The following PDXK variants were observed in gnomAD, a reference collection of about 807,000 sequenced individuals.
PDXK encodes pyridoxal kinase.
In PDXK, 15 loss-of-function variants were observed where a neutral mutation model predicts 43.2. The observed-to-expected ratio is 0.35, with a 90% CI of 0.23 to 0.53. The LOEUF (loss-of-function observed/expected upper bound fraction) is 0.53, where lower values mean the gene tolerates loss of function less well. Among genes scored for constraint, PDXK ranks in the 20% least tolerant of loss-of-function variants. The pLI is 0.92. For missense variants in PDXK, 343 were observed against 417.0 expected (o/e 0.82, Z 1.54); for synonymous variants, 172 against 165.4 (o/e 1.04, Z -0.31).
chr21:43,753,466 T>C (rs942426615), intron 8 of PDXK, 117 bp from the exon 9 acceptor site: 5 of 1,039,742 alleles, frequency 4.8e-6, no homozygotes, highest in Non-Finnish European at 6.9e-6. Flanking sequence ...CAAGGCCACC[T>C]TGTGCTCTGC....
At chr21:43,752,742 G>T (rs907222339) in intron 8 of PDXK, 113 bp downstream of exon 8, 10 of 662,142 alleles carry the variant, frequency 1.5e-5, no homozygotes, top group Admixed American at 4.6e-5. Context: ...GCCTTATCCA[G>T]CACCGGGATG....
intron 2 of PDXK, chr21:43,741,103 G>A (rs1030232487): frequency 2.4e-5 from 3 of 126,864 alleles, no homozygotes; most frequent in Admixed American, 1.6e-4. Context: ...CTGGCAGTGG[G>A]AGTGTGGGGG....
At chr21:43,720,735 T>C (rs9983734) in intron 1 of PDXK, among the ~76,000 whole-genome samples, 83,749 of 151,828 alleles carry the variant, frequency 0.55, 23,843 homozygotes, top group South Asian at 0.73. Flanking sequence ...AGAGGTAGGA[T>C]TGGGCTTGGG....
At position 43,736,606 on chromosome 21, in the gene PDXK, A is replaced by C. The variant is rs184681689; in HGVS notation, c.142+2483A>C. 1.9e-3 allele frequency among the ~76,000 whole-genome samples: 287 copies of C among 148,556 alleles called. 2 individuals carry two copies. The highest frequency in any genetic ancestry group is 6.9e-3 in the African/African-American group (280 of 40,408). On this transcript the variant is annotated intron_variant, in intron 2 of 10. Coordinates refer to ENST00000291565, the MANE Select transcript of PDXK (RefSeq NM_003681.5). Reference sequence around the variant, plus strand: ...AGGGAGCTCATTCGCGACTCTGCCCAGGGTTTTCCTTTTCCTTTTTCTGTT... The same window carrying C: ...AGGGAGCTCATTCGCGACTCTGCCCCGGGTTTTCCTTTTCCTTTTTCTGTT...
intron 1 of PDXK, among the ~76,000 whole-genome samples, chr21:43,721,051 G>C (rs763484919): frequency 6.6e-6 from 1 of 152,172 alleles, no homozygotes; most frequent in Admixed American, 6.5e-5. Flanking sequence ...CCCAGTGCAC[G>C]GCATCCTTAC....
intron 2 of PDXK, chr21:43,738,905 G>A (rs2083447493): frequency 6.6e-6 from 1 of 151,864 alleles, no homozygotes. Flanking sequence ...TGGCCCCCTG[G>A]CTCCTACCTT....
intron 6 of PDXK, among the ~76,000 whole-genome samples, 194 bp from the exon 7 acceptor site, chr21:43,750,306 A>G (rs2083712112): frequency 6.6e-6 from 1 of 152,228 alleles, no homozygotes; most frequent in South Asian, 2.1e-4. Context: ...TGACTCCTGT[A>G]ATGTGAGGGT....
At chr21:43,753,851 G>C (rs2083799795) in intron 9 of PDXK, 132 bp downstream of exon 9, 2 of 1,054,586 alleles carry the variant, frequency 1.9e-6, no homozygotes, top group Non-Finnish European at 2.7e-6. Flanking sequence ...CCCAGTTGTG[G>C]GGGAGGGCAG....
chr21:43,745,081 G>A (rs1271594877), intron 4 of PDXK, among the ~76,000 whole-genome samples: 3 of 152,194 alleles, frequency 2.0e-5, no homozygotes, highest in Admixed American at 6.5e-5. Context: ...GTAGAAAGCA[G>A]ACGAAGGCTC....
At chr21:43,755,926 T>G in intron 10 of PDXK, 25 bp from the exon 11 acceptor site, 1 of 1,566,026 alleles carries the variant, frequency 6.4e-7, no homozygotes, top group Non-Finnish European at 8.8e-7. Context: ...AGATGGGAAC[T>G]CAGTGCTCTC....
At chr21:43,749,683 G>A (rs1234553378) in intron 6 of PDXK, among the ~76,000 whole-genome samples, 2 of 152,106 alleles carry the variant, frequency 1.3e-5, no homozygotes, top group African/African-American at 2.4e-5. Context: ...TGCTGCCCCT[G>A]TGCCTTCCTG....
chr21:43,721,116 A>C (rs2083203403), intron 1 of PDXK, among the ~76,000 whole-genome samples: 1 of 152,154 alleles, frequency 6.6e-6, no homozygotes, highest in South Asian at 2.1e-4. Flanking sequence ...CCCGATGTCC[A>C]AGCCCGGCTG....
chr21:43,725,319 G>A (rs180834828), intron 1 of PDXK, among the ~76,000 whole-genome samples: 13 of 152,100 alleles, frequency 8.5e-5, no homozygotes, highest in Admixed American at 3.9e-4. Context: ...CAAGACTCTC[G>A]TCTCAAAACA....
chr21:43,752,004 G>A (rs772551811), intron 7 of PDXK, among the ~76,000 whole-genome samples: 4 of 152,162 alleles, frequency 2.6e-5, no homozygotes, highest in Non-Finnish European at 5.9e-5. Context: ...GAGGCCTTTC[G>A]CTGACCTGGT....
rs975965673 is a variant in PDXK at position 43,751,356 on chromosome 21, C to T, written c.510+811C>T. ...TTGAGGTCAGGAGTTCGAGACCAGC[C>T]TGGCCAACATGGTAAAACCCCATCT... is the stretch of plus-strand genomic sequence containing the variant. On this transcript the variant is annotated intron_variant, in intron 7 of 10. Transcript: ENST00000291565. 1.8e-4 allele frequency among the ~76,000 whole-genome samples: 27 copies of T among 152,262 alleles called. No homozygotes were observed. In the East Asian group the frequency reaches 1.9e-3, roughly 11 times the overall value.
intron 6 of PDXK, 27 bp downstream of exon 6, chr21:43,749,107 T>C: frequency 7.0e-7 from 1 of 1,429,852 alleles, no homozygotes; most frequent in Non-Finnish European, 9.8e-7. Flanking sequence ...TATTTTACTT[T>C]ATTTATTTAT....
chr21:43,719,551 CG>C, intron 1 of PDXK, 170 bp downstream of exon 1: 1 of 965,846 alleles, frequency 1.0e-6, no homozygotes, highest in South Asian at 4.8e-5. Context: ...GCTTGGCTTG[CG>C]GGGGCGGAAG....
chr21:43,754,195 A>G lies in PDXK; in HGVS notation c.759+476A>G, dbSNP rs1230733884. 6.6e-6 allele frequency among the ~76,000 whole-genome samples: 1 copy of G among 152,124 alleles called. No homozygotes were observed. The highest frequency in any genetic ancestry group is 1.5e-5 in the Non-Finnish European group (1 of 67,994). On this transcript the variant is annotated intron_variant, in intron 9 of 10. Transcript: ENST00000291565. This position sits in a 1 kb window ranked among gnomAD's most constrained non-coding sequence, Gnocchi z 5.5. ...GGACAGTAGGTGGGAGGCTGAGGAC[A>G]GGGGTCCAGGCAGGTGTGGAGAGCC...
Position 43,719,968 on chromosome 21 carries a change from C to T in PDXK, c.87+587C>T, listed in dbSNP as rs929866976. 5 of 967,020 alleles carry T rather than the reference C, an allele frequency of 5.2e-6. No homozygotes were observed. In the African/African-American group the frequency reaches 8.8e-5, roughly 17 times the overall value. The allele number at this position is 967,020 out of a possible 1,614,324, so 59.9% of individuals were successfully genotyped here. A position where few individuals can be genotyped will look rare whatever the true frequency, so the allele number is the denominator to read the frequency against. On this transcript the variant is annotated intron_variant, in intron 1 of 10. Coordinates refer to ENST00000291565, the MANE Select transcript of PDXK (RefSeq NM_003681.5). ...GGTGGCCGAAGGGAAGAGGGTGGGG[C>T]AGGGGCTGCTCTGCACCCTCTAGCA...
Sources: gnomAD v4.1 joint callset for allele counts (sites outside exome capture counted in the v4.1 genomes callset) on GRCh38, gnomAD v4.1.1 for gene constraint, Gnocchi (gnomAD v3.1) non-coding constraint, MANE v1.5 for transcripts, NCBI Gene and HGNC (gene_info 2026-07-23, HGNC 2026-07-21) for gene names.